Variants in JAZF1 observed in about 807,000 individuals in gnomAD.
JAZF1 encodes the protein JAZF zinc finger 1.
JAZF1 carries 8 observed loss-of-function variants against 26.4 expected under a neutral mutation model. The observed-to-expected ratio is 0.30, with a 90% CI of 0.18 to 0.55. The LOEUF (loss-of-function observed/expected upper bound fraction) is 0.55, where lower values mean the gene tolerates loss of function less well. Ranked by LOEUF, JAZF1 falls within the 20% of genes least tolerant of loss-of-function variation. JAZF1 has a pLI of 0.94. For missense variants in JAZF1, 199 were observed against 322.0 expected (o/e 0.62, Z 2.92); for synonymous variants, 126 against 122.3 (o/e 1.03, Z -0.20).
chr7:27,911,855 T>C (rs1328274829), intron 2 of JAZF1, among the ~76,000 whole-genome samples: 1 of 152,182 alleles, frequency 6.6e-6, no homozygotes, highest in East Asian at 1.9e-4. Context: ...GCAGTATAAA[T>C]GGCAGGAGGA....
chr7:28,051,460 A>T (rs575805037), intron 1 of JAZF1, among the ~76,000 whole-genome samples: 20 of 151,952 alleles, frequency 1.3e-4, no homozygotes, highest in African/African-American at 4.1e-4. Context: ...TGACCTGCCC[A>T]CTCAGCCTCC....
intron 1 of JAZF1, among the ~76,000 whole-genome samples, chr7:28,138,751 T>C (rs1232674213): frequency 6.6e-6 from 1 of 152,206 alleles, no homozygotes; most frequent in African/African-American, 2.4e-5. Context: ...AAGGAAACTG[T>C]AGACGTCGAG....
At chr7:27,990,039 G>A (rs1583496216) in intron 2 of JAZF1, among the ~76,000 whole-genome samples, 1 of 152,296 alleles carries the variant, frequency 6.6e-6, no homozygotes, top group Non-Finnish European at 1.5e-5. Flanking sequence ...CAACCCAAAT[G>A]TCCATCAGTG....
At chr7:27,902,160 A>T (rs1361882232) in intron 2 of JAZF1, among the ~76,000 whole-genome samples, 1 of 152,248 alleles carries the variant, frequency 6.6e-6, no homozygotes, top group Non-Finnish European at 1.5e-5. Context: ...ATATTAATGT[A>T]CGTGATTATA....
intron 1 of JAZF1, among the ~76,000 whole-genome samples, chr7:28,033,224 C>A (rs1357215035): frequency 6.6e-6 from 1 of 152,028 alleles, no homozygotes; most frequent in Non-Finnish European, 1.5e-5. Flanking sequence ...GATGGAACAT[C>A]GATTATGCGA....
intron 2 of JAZF1, among the ~76,000 whole-genome samples, chr7:27,942,247 T>G (rs181203860): frequency 6.6e-6 from 1 of 152,264 alleles, no homozygotes; most frequent in African/African-American, 2.4e-5. Flanking sequence ...CAATGTCTTA[T>G]GCGCAGCCTT....
chr7:27,864,280 A>C (rs1424387519), intron 3 of JAZF1, among the ~76,000 whole-genome samples: 1 of 152,202 alleles, frequency 6.6e-6, no homozygotes, highest in Non-Finnish European at 1.5e-5. Flanking sequence ...GGAAATTCAG[A>C]TTTTAAGACA....
intron 1 of JAZF1, among the ~76,000 whole-genome samples, chr7:28,173,690 C>T (rs1368427766): frequency 6.6e-6 from 1 of 151,830 alleles, no homozygotes; most frequent in East Asian, 1.9e-4. Context: ...CCTTGGGAGG[C>T]CAGTGGGTGA....
chr7:27,846,398 C>CGTATACGTGTATATATAA, intron 3 of JAZF1: 1 of 443,998 alleles, frequency 2.3e-6, no homozygotes, highest in Middle Eastern at 3.4e-4. Context: ...TATACATATA[C>CGTATACGTGTATATATAA]GTATACATGT....
chr7:28,157,259 C>T (rs1783200574), intron 1 of JAZF1, among the ~76,000 whole-genome samples: 1 of 152,238 alleles, frequency 6.6e-6, no homozygotes, highest in South Asian at 2.1e-4. Context: ...TGAGAGGAGG[C>T]TGGCCTCAAG....
chr7:28,008,699 A>T (rs1250760801), intron 1 of JAZF1, among the ~76,000 whole-genome samples: 1 of 152,232 alleles, frequency 6.6e-6, no homozygotes, highest in African/African-American at 2.4e-5. Context: ...TTGGAACTTG[A>T]GTGCACACAT....
chr7:27,923,413 A>C (rs1419687128), intron 2 of JAZF1, among the ~76,000 whole-genome samples: 1 of 152,138 alleles, frequency 6.6e-6, no homozygotes, highest in Non-Finnish European at 1.5e-5. Context: ...CTCCTGTGGG[A>C]TCGTCTCCAC....
intron 1 of JAZF1, among the ~76,000 whole-genome samples, chr7:28,160,880 G>A (rs1783273981): frequency 6.6e-6 from 1 of 152,166 alleles, no homozygotes; most frequent in African/African-American, 2.4e-5. Context: ...TTGGAAGTTT[G>A]TTTTTGGTTT....
At chr7:28,061,961 C>G (rs866982033) in intron 1 of JAZF1, among the ~76,000 whole-genome samples, 2 of 152,292 alleles carry the variant, frequency 1.3e-5, no homozygotes, top group Non-Finnish European at 2.9e-5. Flanking sequence ...TGATTGGACA[C>G]AAAGGATCTG....
Position 27,910,716 on chromosome 7 carries a change from G to A in JAZF1, c.189-15300C>T, listed in dbSNP as rs115780489. 9.6e-3 allele frequency among the ~76,000 whole-genome samples: 1,457 copies of A among 152,228 alleles called. 15 individuals carry two copies. The highest frequency in any genetic ancestry group is 0.033 in the African/African-American group (1,387 of 41,524). ...ACCCTCTTTAAAACCCATTACTTGC[G>A]TATGCAGGAATGGTCCACAGCAGAG... On this transcript the variant is annotated intron_variant, in intron 2 of 4. Coordinates refer to ENST00000283928, the MANE Select transcript of JAZF1 (RefSeq NM_175061.4).
chr7:27,850,369 G>A (rs1783121426), intron 3 of JAZF1, among the ~76,000 whole-genome samples: 2 of 152,144 alleles, frequency 1.3e-5, no homozygotes, highest in South Asian at 2.1e-4. Flanking sequence ...GCTCATTACT[G>A]GAATGTCATT....
intron 1 of JAZF1, among the ~76,000 whole-genome samples, chr7:28,068,337 A>C (rs1017377571): frequency 6.6e-6 from 1 of 152,022 alleles, no homozygotes; most frequent in African/African-American, 2.4e-5. Context: ...AAGGATATGT[A>C]ATGGGCATGC....
At chr7:28,137,610 T>C (rs1562599686) in intron 1 of JAZF1, among the ~76,000 whole-genome samples, 1 of 152,190 alleles carries the variant, frequency 6.6e-6, no homozygotes, top group African/African-American at 2.4e-5. Context: ...GAACTGTGCA[T>C]AATTCCTCTA....
chr7:27,885,027 G>A (rs1447164990), intron 3 of JAZF1, among the ~76,000 whole-genome samples: 3 of 152,164 alleles, frequency 2.0e-5, no homozygotes, highest in Non-Finnish European at 4.4e-5. Flanking sequence ...CAGGAAGGAG[G>A]GGAGGGAGTT....
Sources: gnomAD v4.1 joint callset for allele counts (sites outside exome capture counted in the v4.1 genomes callset) on GRCh38, gnomAD v4.1.1 for gene constraint, MANE v1.5 for transcripts, NCBI Gene and HGNC (gene_info 2026-07-23, HGNC 2026-07-21) for gene names.